PARG: variants seen among roughly 807,000 people sequenced by gnomAD.
PARG encodes mitochondrial poly(ADP-ribose) glycohydrolase.
In PARG, 35 loss-of-function variants were observed where a neutral mutation model predicts 113.0. That is an observed-to-expected ratio of 0.31 (90% confidence interval 0.24 to 0.41). PARG has a LOEUF of 0.41. PARG is among the 10% of genes least tolerant of loss of function. PARG has a pLI of 1.00. For synonymous variants in PARG, 330 were observed against 409.9 expected, an observed-to-expected ratio of 0.81 and a Z score of 2.36; for missense variants, 797 against 1,169.4, an observed-to-expected ratio of 0.68 and a Z score of 4.64.
rs553499124 is a variant in PARG, at chr10:49,845,694, C to T, written c.2354-2062G>A. Among the ~76,000 whole-genome samples the T allele has an allele frequency of 4.5e-3, 683 of 151,786 alleles. 5 individuals are homozygous for T. Among genetic ancestry groups the T allele is most frequent in the Non-Finnish European group, 7.9e-3 (538 of 67,886 alleles). ...GGGAGATCACTCGAGGTCAGTAGTTCGAGACCAGCCTAGCCAACATGGTGA... is the reference window on the plus strand; with the variant it reads ...GGGAGATCACTCGAGGTCAGTAGTTTGAGACCAGCCTAGCCAACATGGTGA... On this transcript the variant is annotated intron_variant, in intron 13 of 17. Coordinates refer to ENST00000616448, the MANE Select transcript of PARG (RefSeq NM_003631.5).
rs1370555847 is a variant in PARG at position 49,884,361 on chromosome 10, T to C, written c.1830+842A>G. Among the ~76,000 whole-genome samples, 8 of 152,330 alleles carry C rather than the reference T, an allele frequency of 5.3e-5. No individual in the cohort carries two copies. The South Asian group carries it at 1.2e-3, about 24-fold the overall frequency. ...GGCTCACACCTGTAATCCCAGCACT[T>C]TGGGAGGCCAAGGCATCATCTGAGG... On this transcript the variant is annotated intron_variant, in intron 8 of 17. Coordinates refer to ENST00000616448, the MANE Select transcript of PARG (RefSeq NM_003631.5).
intron 7 of PARG, among the ~76,000 whole-genome samples, chr10:49,886,153 TTA>T (rs548625250): frequency 9.2e-5 from 14 of 152,222 alleles, no homozygotes; most frequent in African/African-American, 3.1e-4. Flanking sequence ...GCCAAGGAGG[TTA>T]CCTGATCATC....
intron 16 of PARG, among the ~76,000 whole-genome samples, chr10:49,827,498 T>C (rs1844417414): frequency 6.6e-6 from 1 of 152,176 alleles, no homozygotes; most frequent in East Asian, 1.9e-4. Context: ...AGTAAAGCCC[T>C]TCCTCATCCC....
intron 7 of PARG, among the ~76,000 whole-genome samples, chr10:49,905,064 T>C (rs1347230488): frequency 6.6e-6 from 1 of 152,218 alleles, no homozygotes; most frequent in Admixed American, 6.5e-5. Context: ...TATCCTAAAG[T>C]ATAATTGTTT....
chr10:49,885,621 C>G (rs1247661961), intron 7 of PARG, among the ~76,000 whole-genome samples: 1 of 152,204 alleles, frequency 6.6e-6, no homozygotes, highest in Non-Finnish European at 1.5e-5. Flanking sequence ...GAAAACAGTA[C>G]ATTCTGCCCT....
intron 7 of PARG, among the ~76,000 whole-genome samples, chr10:49,886,404 G>A (rs1847488782): frequency 6.6e-6 from 1 of 152,196 alleles, no homozygotes; most frequent in Admixed American, 6.5e-5. Flanking sequence ...GATTTTGCCA[G>A]TAAATTCTAA....
chr10:49,893,842 C>T (rs533566203), intron 7 of PARG, among the ~76,000 whole-genome samples: 26 of 151,794 alleles, frequency 1.7e-4, no homozygotes, highest in African/African-American at 4.3e-4. Flanking sequence ...TACAGGCACC[C>T]GCCACCACGC....
At chr10:49,852,804 T>TCC (rs1554834412) in intron 13 of PARG, among the ~76,000 whole-genome samples, 1 of 151,114 alleles carries the variant, frequency 6.6e-6, no homozygotes, top group East Asian at 2.0e-4. Flanking sequence ...GACCTTGTGA[T>TCC]GCCCCCTGCC....
At chr10:49,896,360 C>T (rs1201111838) in intron 7 of PARG, among the ~76,000 whole-genome samples, 1 of 152,184 alleles carries the variant, frequency 6.6e-6, no homozygotes, top group Non-Finnish European at 1.5e-5. Context: ...TCTTGGCTCA[C>T]TGCAACCTCT....
intron 7 of PARG, among the ~76,000 whole-genome samples, chr10:49,896,280 GTTGTT>G (rs1212281354): frequency 6.6e-6 from 1 of 152,034 alleles, no homozygotes; most frequent in Non-Finnish European, 1.5e-5. Flanking sequence ...TTTTGTTATT[GTTGTT>G]TTGTTTTGTT....
chr10:49,906,939 C>T (rs1188356870), intron 7 of PARG, among the ~76,000 whole-genome samples: 20 of 151,648 alleles, frequency 1.3e-4, no homozygotes, highest in African/African-American at 3.9e-4. Flanking sequence ...CAAAGGGAGA[C>T]AGGAGCCAAC....
intron 1 of PARG, among the ~76,000 whole-genome samples, chr10:49,941,118 C>T (rs1460205463): frequency 6.6e-6 from 1 of 152,234 alleles, no homozygotes; most frequent in Non-Finnish European, 1.5e-5. Context: ...AAACTAATAG[C>T]TCTGCACCCT....
intron 7 of PARG, among the ~76,000 whole-genome samples, chr10:49,889,387 G>A (rs1393592699): frequency 9.9e-5 from 15 of 152,150 alleles, no homozygotes; most frequent in African/African-American, 3.1e-4. Flanking sequence ...CAGCAATTGA[G>A]GGTAAAAATT....
At chr10:49,828,853 T>C (rs1481127907) in intron 16 of PARG, among the ~76,000 whole-genome samples, 1 of 152,002 alleles carries the variant, frequency 6.6e-6, no homozygotes, top group East Asian at 1.9e-4. Flanking sequence ...CTAGCCTGGG[T>C]GACACAATGA....
intron 9 of PARG, among the ~76,000 whole-genome samples, chr10:49,870,297 A>C (rs2132586129): frequency 6.6e-6 from 1 of 151,222 alleles, no homozygotes; most frequent in South Asian, 2.1e-4. Context: ...CAGCCAACCT[A>C]TAAGCCAGGA....
intron 1 of PARG, among the ~76,000 whole-genome samples, chr10:49,939,153 C>A (rs1235957113): frequency 6.6e-6 from 1 of 152,200 alleles, no homozygotes; most frequent in Non-Finnish European, 1.5e-5. Flanking sequence ...CTGAAGTACA[C>A]CTGAACGTAT....
At chr10:49,888,862 A>G (rs1195257642) in intron 7 of PARG, among the ~76,000 whole-genome samples, 2 of 152,222 alleles carry the variant, frequency 1.3e-5, no homozygotes, top group East Asian at 1.9e-4. Flanking sequence ...CACAAATGTT[A>G]TATCTAAACT....
chr10:49,890,773 A>T (rs1847736042), intron 7 of PARG, among the ~76,000 whole-genome samples: 1 of 152,210 alleles, frequency 6.6e-6, no homozygotes, highest in Admixed American at 6.5e-5. Context: ...ATATTTACTT[A>T]TTTCTTCTTT....
At chr10:49,887,685 T>C (rs1554840683) in intron 7 of PARG, among the ~76,000 whole-genome samples, 2 of 152,178 alleles carry the variant, frequency 1.3e-5, no homozygotes, top group African/African-American at 4.8e-5. Flanking sequence ...TAATATTCCA[T>C]GGTTTGTTTA....
Sources: gnomAD v4.1 joint callset for allele counts (sites outside exome capture counted in the v4.1 genomes callset) on GRCh38, gnomAD v4.1.1 for gene constraint, MANE v1.5 for transcripts, NCBI Gene and HGNC (gene_info 2026-07-23, HGNC 2026-07-21) for gene names.